MYH10: variants seen among roughly 807,000 people sequenced by gnomAD.
MYH10 encodes myosin-10.
In MYH10, 55 loss-of-function variants were observed where a neutral mutation model predicts 257.8. The ratio of observed to expected loss-of-function variants is 0.21; its 90% CI spans 0.17 to 0.27. The LOEUF (loss-of-function observed/expected upper bound fraction) is 0.27, where lower values mean the gene tolerates loss of function less well. Ranked by LOEUF, MYH10 falls within the 10% of genes least tolerant of loss-of-function variation. The pLI, the probability that MYH10 is intolerant of heterozygous loss-of-function variation, is 1.00. For missense variants in MYH10, 1,631 were observed against 2,500.6 expected (o/e 0.65, Z 7.42); for synonymous variants, 854 against 921.7 (o/e 0.93, Z 1.33).
Position 8,569,810 on chromosome 17 carries a change from C to T in MYH10, c.666G>A (p.Gly222=). The change falls in exon 7 of 43, where the codon GGG becomes GGA. Residue 222 remains glycine, a splice_region_variant and synonymous_variant. Coordinates refer to ENST00000360416, the MANE Select transcript of MYH10 (RefSeq NM_001256012.3). The surrounding 1 kb of genome is among the most constrained non-coding windows in gnomAD (Gnocchi z 4.1). ...QESPKPVKHQ[G]ELERQLLQAN... is the part of the protein sequence containing the mutation. ...CTTGCAAAAGCTGCCGTTCAAGTTC[C>T]CCCTAAAAGACATTACACACACACA... The T allele has an allele frequency of 1.2e-6, 2 of 1,607,734 alleles. No homozygotes were observed. Among genetic ancestry groups the T allele is most frequent in the Non-Finnish European group, 1.7e-6 (2 of 1,176,166 alleles).
At position 8,499,445 on chromosome 17, in the gene MYH10, C is replaced by T; in HGVS notation, c.3776G>A (p.Gly1259Asp). The change falls in exon 30 of 43, where the codon GGC (glycine) becomes GAC (aspartate). Residue 1259 changes from glycine (G) to aspartate (D), a missense_variant. By Grantham distance (94) the Gly-to-Asp change is moderately conservative (BLOSUM62 -1). This residue lies in a region of MYH10 where 463 missense variants were observed against 621.8 expected (regional missense o/e 0.74). Transcript: ENST00000360416. ...CAGCTCCTTGTTATCTGTCTCCAGG[C>T]CCTGCTTGTTCTTCTCTAGATTTGC... ...FKANLEKNKQ[G>D]LETDNKELAC... 6.2e-7 allele frequency: 1 copy of T among 1,614,120 alleles called. No homozygotes were observed. Among genetic ancestry groups the T allele is most frequent in the Non-Finnish European group, 8.5e-7 (1 of 1,180,026 alleles).
At chr17:8,550,334 C>T (rs1300148114) in intron 9 of MYH10, among the ~76,000 whole-genome samples, 2 of 151,816 alleles carry the variant, frequency 1.3e-5, no homozygotes, top group African/African-American at 2.4e-5. Flanking sequence ...GCGCCTCTGC[C>T]CCGCCGCCCC....
intron 2 of MYH10, among the ~76,000 whole-genome samples, chr17:8,605,978 A>G (rs991744529): frequency 6.6e-6 from 1 of 151,522 alleles, no homozygotes; most frequent in Non-Finnish European, 1.5e-5. Context: ...AAATACAGGG[A>G]TTTTTTTTTC....
Position 8,493,784 on chromosome 17 carries a change from C to T in MYH10, c.4158G>A (p.Glu1386=). 1 of 1,614,040 alleles carries T rather than the reference C, an allele frequency of 6.2e-7. No homozygotes were observed. The highest frequency in any genetic ancestry group is 8.5e-7 in the Non-Finnish European group (1 of 1,179,958). ...KNSLQEQQEE[E]EEARKNLEKQ... is the part of the protein sequence containing the mutation. ...TCTCCAGGTTCTTCCTGGCCTCCTC[C>T]TCCTCCTCCTGCTGCTCCTGAAGAC... is the stretch of plus-strand genomic sequence containing the variant. The change falls in exon 32 of 43, where the codon GAG becomes GAA. Residue 1386 remains glutamate, a synonymous_variant. Coordinates refer to ENST00000360416, the MANE Select transcript of MYH10 (RefSeq NM_001256012.3).
chr17:8,623,323 A>C lies in MYH10; in HGVS notation c.-31-46T>G, dbSNP rs1183264068. ...CAAAATTAGATGTTTAAGAAACAAA[A>C]GAATGTACACGTTTTTCTTTTCTAA... On this transcript the variant is annotated intron_variant, in intron 1 of 42. Transcript: ENST00000360416. 2.7e-6 allele frequency: 4 copies of C among 1,477,366 alleles called. No individual in the cohort carries two copies. The South Asian group carries it at 5.6e-5, about 21-fold the overall frequency. The allele number at this position is 1,477,366 out of a possible 1,614,324, so 91.5% of individuals were successfully genotyped here. A position where few individuals can be genotyped will look rare whatever the true frequency, so the allele number is the denominator to read the frequency against.
intron 1 of MYH10, among the ~76,000 whole-genome samples, chr17:8,629,672 G>A (rs2085826937): frequency 6.6e-6 from 1 of 152,138 alleles, no homozygotes; most frequent in Non-Finnish European, 1.5e-5. Flanking sequence ...ACTGCAGAAG[G>A]CAATGAAGAG....
chr17:8,482,491 C>G (rs1411397018), intron 37 of MYH10, among the ~76,000 whole-genome samples: 2 of 152,192 alleles, frequency 1.3e-5, no homozygotes, highest in African/African-American at 4.8e-5. Context: ...GCCACTGACT[C>G]CAGACAGCTC....
At chr17:8,581,353 G>A (rs2083697775) in intron 4 of MYH10, among the ~76,000 whole-genome samples, 2 of 151,972 alleles carry the variant, frequency 1.3e-5, no homozygotes, top group Admixed American at 1.3e-4. Flanking sequence ...ACCAAGAAAT[G>A]GGCCTCTTTT....
chr17:8,526,691 A>G (rs1381733735), intron 17 of MYH10, among the ~76,000 whole-genome samples: 1 of 152,222 alleles, frequency 6.6e-6, no homozygotes, highest in East Asian at 1.9e-4. Flanking sequence ...CAACAGTTTC[A>G]TAGAAGGAAT....
At chr17:8,620,694 C>T (rs936940293) in intron 2 of MYH10, among the ~76,000 whole-genome samples, 5 of 152,186 alleles carry the variant, frequency 3.3e-5, no homozygotes, top group African/African-American at 1.2e-4. Context: ...ACATATTTAT[C>T]ACAATGCTAG....
At chr17:8,554,437 A>T (rs373510009) in intron 7 of MYH10, 1 of 152,014 alleles carries the variant, frequency 6.6e-6, no homozygotes, top group African/African-American at 2.4e-5. Context: ...GAAAAAAAAA[A>T]CCCGAAAACT....
chr17:8,480,051 T>G, intron 40 of MYH10, 59 bp downstream of exon 40: 4 of 1,570,078 alleles, frequency 2.5e-6, no homozygotes, highest in Non-Finnish European at 3.5e-6. Flanking sequence ...GCATGCCTGT[T>G]TTGTCTCTGA....
At chr17:8,621,369 C>A (rs1455258860) in intron 2 of MYH10, among the ~76,000 whole-genome samples, 1 of 152,118 alleles carries the variant, frequency 6.6e-6, no homozygotes. Flanking sequence ...CCCCTCCCAC[C>A]CAGACTCCCA....
intron 35 of MYH10, among the ~76,000 whole-genome samples, chr17:8,489,743 A>ACACACACACACACACACACACACC (rs1437818172): frequency 4.0e-5 from 6 of 150,158 alleles, no homozygotes; most frequent in African/African-American, 9.9e-5. Flanking sequence ...ACACACACAC[A>ACACACACACACACACACACACACC]CACCCCAAAT....
intron 27 of MYH10, among the ~76,000 whole-genome samples, 184 bp from the exon 28 acceptor site, chr17:8,505,090 G>T (rs1410802318): frequency 6.6e-6 from 1 of 152,120 alleles, no homozygotes; most frequent in Non-Finnish European, 1.5e-5. Flanking sequence ...TCAGGTAGAG[G>T]CCTTGCTGAA....
rs758306510 is a variant in MYH10 at position 8,520,107 on chromosome 17, CAT to C, written c.2273+769_2273+770del. On this transcript the variant is annotated intron_variant, in intron 19 of 42. Transcript: ENST00000360416. ...GAAAAGATGGAAAGAAGTACCCCAA[CAT>C]GTTTTTAGGAATCACTCCTTGATGA... Among the ~76,000 whole-genome samples, 5 of 152,324 alleles carry C rather than the reference CAT, an allele frequency of 3.3e-5. No individual in the cohort carries two copies. In the East Asian group the frequency reaches 9.6e-4, roughly 29 times the overall value.
rs1468342462 is a variant in MYH10, at chr17:8,546,582, C to T, written c.1240G>A (p.Gly414Ser). The T allele has an allele frequency of 3.7e-6, 6 of 1,614,038 alleles. No individual in the cohort carries two copies. Among genetic ancestry groups the T allele is most frequent in the Non-Finnish European group, 4.2e-6 (5 of 1,179,984 alleles). The change falls in exon 12 of 43, where the codon GGC becomes AGC. Residue 414 changes from glycine (G) to serine (S), a missense_variant. Coordinates refer to ENST00000360416, the MANE Select transcript of MYH10 (RefSeq NM_001256012.3). Reference protein sequence around the residue: ...RAILTPRIKVGRDYVQKAQTK... With the variant: ...RAILTPRIKVSRDYVQKAQTK... Reference sequence around the variant, plus strand: ...TGGGCTTTTTGCACATAGTCTCGGCCGACCTTGATCCGGGGAGTCAGGATG... The same window carrying T: ...TGGGCTTTTTGCACATAGTCTCGGCTGACCTTGATCCGGGGAGTCAGGATG...
At chr17:8,481,516 C>T in intron 37 of MYH10, 106 bp from the exon 38 acceptor site, 2 of 922,294 alleles carry the variant, frequency 2.2e-6, no homozygotes, top group Admixed American at 2.3e-5. Context: ...CACTGTTTAC[C>T]TGCACCTCAA....
intron 3 of MYH10, among the ~76,000 whole-genome samples, chr17:8,600,603 T>C (rs541791970): frequency 1.3e-5 from 2 of 152,228 alleles, no homozygotes; most frequent in Admixed American, 1.3e-4. Context: ...TTAAAAACTA[T>C]GAAGTAACAC....
Sources: allele counts gnomAD v4.1 joint callset (sites outside exome capture counted in the v4.1 genomes callset), GRCh38; gene constraint gnomAD v4.1.1; regional missense constraint gnomAD v4.1.1; non-coding constraint Gnocchi (gnomAD v3.1); transcripts MANE v1.5; gene names NCBI Gene and HGNC (gene_info 2026-07-23, HGNC 2026-07-21).